UBA2: variants seen among roughly 807,000 people sequenced by gnomAD.
UBA2 encodes the protein ubiquitin like modifier activating enzyme 2.
Under a neutral mutation model 77.2 loss-of-function variants are expected in UBA2, and 11 were observed. That is an observed-to-expected ratio of 0.14 (90% CI 0.09 to 0.24). The LOEUF (loss-of-function observed/expected upper bound fraction) is 0.24, where lower values mean the gene tolerates loss of function less well. Ranked by LOEUF, UBA2 falls within the 10% of genes least tolerant of loss-of-function variation. The pLI, the probability that UBA2 is intolerant of heterozygous loss-of-function variation, is 1.00. For missense variants in UBA2, 487 were observed against 781.7 expected, an observed-to-expected ratio of 0.62 and a Z score of 4.50; for synonymous variants, 278 against 276.7, an observed-to-expected ratio of 1.00 and a Z score of -0.05.
chr19:34,455,974 G>C (rs2075554330), intron 12 of UBA2, among the ~76,000 whole-genome samples: 1 of 151,112 alleles, frequency 6.6e-6, no homozygotes, highest in African/African-American at 2.4e-5. Flanking sequence ...ATGGGGTCTT[G>C]CTATGTTGTC....
chr19:34,429,922 T>TA (rs1321011399), intron 1 of UBA2, among the ~76,000 whole-genome samples: 62 of 152,174 alleles, frequency 4.1e-4, no homozygotes, highest in Non-Finnish European at 4.4e-5. Context: ...AATACTTTAG[T>TA]ATTTTTTGAG....
intron 6 of UBA2, among the ~76,000 whole-genome samples, chr19:34,439,075 G>C (rs182228830): frequency 6.6e-6 from 1 of 152,200 alleles, no homozygotes; most frequent in African/African-American, 2.4e-5. Context: ...GGCCGTGATG[G>C]CGAGTGCCTG....
At chr19:34,437,040 T>C (rs2075316261) in intron 5 of UBA2, among the ~76,000 whole-genome samples, 1 of 152,106 alleles carries the variant, frequency 6.6e-6, no homozygotes, top group African/African-American at 2.4e-5. Flanking sequence ...GCATCAGAAA[T>C]GGTGTTTCAG....
rs779026330 is a variant in UBA2 at position 34,450,231 on chromosome 19, A to G, written c.772-34A>G. 2.1e-6 allele frequency: 3 copies of G among 1,449,256 alleles called. No individual in the cohort carries two copies. The Admixed American group carries it at 5.3e-5, about 26-fold the overall frequency. 89.8% of individuals were successfully genotyped at this position (1,449,256 alleles called of 1,614,324 possible). A position where few individuals can be genotyped will look rare whatever the true frequency, so the allele number is the denominator to read the frequency against. On this transcript the variant is annotated intron_variant, in intron 8 of 16. Coordinates refer to ENST00000246548, the MANE Select transcript of UBA2 (RefSeq NM_005499.3). ...TCTTGTATCTTATCAATTAGGGATT[A>G]TGGGGTTCATGGGATCTGTCTTTCT...
chr19:34,453,325 A>G (rs1308268622), intron 10 of UBA2, among the ~76,000 whole-genome samples: 1 of 152,166 alleles, frequency 6.6e-6, no homozygotes. Context: ...AGTTCAAAGC[A>G]GGAAGCCTTG....
intron 5 of UBA2, among the ~76,000 whole-genome samples, chr19:34,435,627 C>T (rs1458616276): frequency 4.0e-5 from 6 of 150,528 alleles, no homozygotes; most frequent in East Asian, 2.0e-4. Flanking sequence ...GTCAGGAGTT[C>T]GAGACCAGCC....
chr19:34,431,255 T>A (rs922094560), intron 2 of UBA2, among the ~76,000 whole-genome samples: 6 of 136,442 alleles, frequency 4.4e-5, no homozygotes, highest in African/African-American at 1.6e-4. Flanking sequence ...TTTTTTTTTT[T>A]TTTTTTTTTT....
At chr19:34,462,824 G>A (rs529950935) in intron 14 of UBA2, among the ~76,000 whole-genome samples, 11 of 152,190 alleles carry the variant, frequency 7.2e-5, no homozygotes, top group African/African-American at 2.4e-4. Context: ...AAATTAGGCC[G>A]GGCGTTGTAG....
intron 6 of UBA2, among the ~76,000 whole-genome samples, chr19:34,442,533 A>G (rs1471364004): frequency 6.6e-6 from 1 of 152,070 alleles, no homozygotes; most frequent in Non-Finnish European, 1.5e-5. Context: ...CCTGGGTTCA[A>G]GCGATTCTCC....
rs542412000 is a variant in UBA2 at position 34,438,243 on chromosome 19, T to C, written c.460-402T>C. Reference sequence around the variant, plus strand: ...CTCAAAAAAAAAAAAAAAACACATATAAGAAAATGGCTGCGAATAATATTT... The same window carrying C: ...CTCAAAAAAAAAAAAAAAACACATACAAGAAAATGGCTGCGAATAATATTT... On this transcript the variant is annotated intron_variant, in intron 5 of 16. Transcript: ENST00000246548. 3.1e-3 allele frequency among the ~76,000 whole-genome samples: 459 copies of C among 149,568 alleles called. 1 individual carries two copies. Among genetic ancestry groups the C allele is most frequent in the South Asian group, 5.5e-3 (26 of 4,754 alleles).
chr19:34,458,442 C>A (rs2075593913), intron 12 of UBA2, among the ~76,000 whole-genome samples: 1 of 151,394 alleles, frequency 6.6e-6, no homozygotes, highest in South Asian at 2.1e-4. Flanking sequence ...CGCCTGTAGT[C>A]CCAGCTACTC....
rs746704881 is a variant in UBA2 at position 34,438,683 on chromosome 19, C to T, written c.498C>T (p.Thr166=). The T allele has an allele frequency of 1.2e-6, 2 of 1,614,014 alleles. No individual in the cohort carries two copies. The highest frequency in any genetic ancestry group is 1.7e-6 in the Non-Finnish European group (2 of 1,180,000). The change falls in exon 6 of 17, where the codon ACC becomes ACT. Residue 166 remains threonine, a synonymous_variant. Coordinates refer to ENST00000246548, the MANE Select transcript of UBA2 (RefSeq NM_005499.3). The part of the protein sequence containing the change: ...TECYECHPKP[T]QRTFPGCTIR... ...GTTATGAGTGTCATCCTAAGCCGAC[C>T]CAGAGAACCTTTCCTGGCTGTACAA...
intron 15 of UBA2, among the ~76,000 whole-genome samples, chr19:34,465,647 AAAAAATG>A (rs1218040381): frequency 6.6e-6 from 1 of 151,550 alleles, no homozygotes; most frequent in Non-Finnish European, 1.5e-5. Context: ...GAAAAAAAAA[AAAAAATG>A]ACAGGAAGGA....
chr19:34,451,539 T>TG (rs1352829305), intron 9 of UBA2, among the ~76,000 whole-genome samples: 1 of 111,626 alleles, frequency 9.0e-6, no homozygotes, highest in African/African-American at 3.5e-5. Flanking sequence ...TTTAACAGTT[T>TG]TTTTTTTTTT....
At chr19:34,458,721 A>G in intron 12 of UBA2, 48 bp from the exon 13 acceptor site, 1 of 1,555,040 alleles carries the variant, frequency 6.4e-7, no homozygotes, top group South Asian at 1.2e-5. Flanking sequence ...TATGGCGTAT[A>G]AAATTACAGC....
In UBA2 at chr19:34,452,135, C is replaced by G. The variant is rs201324122; in HGVS notation, c.1026C>G (p.Leu342=). The change falls in exon 10 of 17, where the codon CTC becomes CTG. Residue 342 remains leucine, a synonymous_variant. Transcript: ENST00000246548. The stretch of plus-strand genomic sequence containing the variant: ...CAGAAAAGGGGGATGGAGCTGAGCT[C>G]ATATGGGATAAGGTTCGTTTTGACA... ...HLAEKGDGAE[L]IWDKDDPSAM... is the part of the protein sequence containing the mutation. 6.2e-7 allele frequency: 1 copy of G among 1,601,086 alleles called. No homozygotes were observed. The highest frequency in any genetic ancestry group is 8.5e-7 in the Non-Finnish European group (1 of 1,171,944).
intron 14 of UBA2, among the ~76,000 whole-genome samples, chr19:34,463,131 T>C (rs980974288): frequency 6.6e-6 from 1 of 151,066 alleles, no homozygotes; most frequent in Admixed American, 6.6e-5. Context: ...TAGTTAGGCA[T>C]GGTGGTGCAC....
chr19:34,431,244 C>CTTTTTTTTTTTT lies in UBA2; in HGVS notation c.222+598_223-593dup, dbSNP rs1184297228. On this transcript the variant is annotated intron_variant, in intron 2 of 16. Transcript: ENST00000246548. The stretch of plus-strand genomic sequence containing the variant: ...TTTACTTTTCCTATCATTTTCTTTT[C>CTTTTTTTTTTTT]TTTTTTTTTTTTTTTTTTTTTTTTA... Among the ~76,000 whole-genome samples the CTTTTTTTTTTTT allele has an allele frequency of 3.5e-3, 239 of 69,238 alleles. 3 individuals carry two copies. The highest frequency in any genetic ancestry group is 4.6e-3 in the Non-Finnish European group (186 of 40,380). The allele number at this position is 69,238 out of a possible 152,430, so 45.4% of individuals were successfully genotyped here.
chr19:34,466,849 T>A, intron 15 of UBA2, 29 bp from the exon 16 acceptor site: 1 of 1,608,896 alleles, frequency 6.2e-7, no homozygotes. Flanking sequence ...TAAATAGTCA[T>A]AGCAGTGACC....
Sources: gnomAD v4.1 joint callset for allele counts (sites outside exome capture counted in the v4.1 genomes callset) on GRCh38, gnomAD v4.1.1 for gene constraint, MANE v1.5 for transcripts, NCBI Gene and HGNC (gene_info 2026-07-23, HGNC 2026-07-21) for gene names.